CTNNBIP1: variants seen among roughly 807,000 people sequenced by gnomAD.
The protein encoded by CTNNBIP1 is beta-catenin-interacting protein 1.
A neutral mutation model predicts 11.8 loss-of-function variants in CTNNBIP1; 7 were observed. The ratio of observed to expected loss-of-function variants is 0.60; its 90% CI spans 0.34 to 1.12. The LOEUF (loss-of-function observed/expected upper bound fraction) is 1.12, where lower values mean the gene tolerates loss of function less well. Ranked by LOEUF, CTNNBIP1 falls within the 50% of genes most tolerant of loss-of-function variation. The pLI, the probability that CTNNBIP1 is intolerant of heterozygous loss-of-function variation, is 0.03. For missense variants in CTNNBIP1, 101 were observed against 113.4 expected (o/e 0.89, Z 0.50); for synonymous variants, 58 against 43.9 (o/e 1.32, Z -1.26).
intron 1 of CTNNBIP1, among the ~76,000 whole-genome samples, chr1:9,899,563 A>T (rs763231936): frequency 1.0e-4 from 15 of 148,090 alleles, no homozygotes; most frequent in Non-Finnish European, 1.9e-4. Flanking sequence ...GATCAAGGCT[A>T]TCTTGGCCAA....
At chr1:9,899,868 G>T (rs1167973744) in intron 1 of CTNNBIP1, among the ~76,000 whole-genome samples, 2 of 151,528 alleles carry the variant, frequency 1.3e-5, no homozygotes, top group Non-Finnish European at 2.9e-5. Flanking sequence ...GAGGTCAGGG[G>T]TTCGAGACCA....
At chr1:9,866,327 GTCAGGTC>G (rs1057283004) in intron 5 of CTNNBIP1, among the ~76,000 whole-genome samples, 2 of 152,200 alleles carry the variant, frequency 1.3e-5, no homozygotes, top group Non-Finnish European at 1.5e-5. Flanking sequence ...ACAGTGTGAG[GTCAGGTC>G]TTGCTCACCA....
chr1:9,871,173 TGCC>T lies in CTNNBIP1; in HGVS notation c.187+11_187+13del, dbSNP rs769771322. 1 of 1,555,154 alleles carries T rather than the reference TGCC, an allele frequency of 6.4e-7. No homozygotes were observed. The highest frequency in any genetic ancestry group is 1.2e-5 in the South Asian group (1 of 84,584). On this transcript the variant is annotated intron_variant, in intron 5 of 5. Transcript: ENST00000377263. This position sits in a 1 kb window ranked among gnomAD's most constrained non-coding sequence, Gnocchi z 5.2. ...ACTTGTGCCACTGCCCCAGCCCCTC[TGCC>T]GCCAACTCACCCTGGTCGATGGAGT...
intron 1 of CTNNBIP1, among the ~76,000 whole-genome samples, chr1:9,901,064 CTTCACGTA>C (rs1244905059): frequency 6.6e-6 from 1 of 152,204 alleles, no homozygotes; most frequent in Non-Finnish European, 1.5e-5. Flanking sequence ...GTACTAACAG[CTTCACGTA>C]TTTAAATCAT....
At chr1:9,852,381 C>T (rs1182311551) in intron 5 of CTNNBIP1, among the ~76,000 whole-genome samples, 1 of 152,222 alleles carries the variant, frequency 6.6e-6, no homozygotes, top group Non-Finnish European at 1.5e-5. Context: ...AGCTCGCCTT[C>T]ATGGGGTTCT....
chr1:9,853,911 G>A (rs1055320293), intron 5 of CTNNBIP1, among the ~76,000 whole-genome samples: 35 of 150,942 alleles, frequency 2.3e-4, no homozygotes, highest in African/African-American at 8.2e-4. Context: ...CTAGCAAACT[G>A]AATACAACAA....
At chr1:9,908,949 T>C (rs1003550681) in intron 1 of CTNNBIP1, among the ~76,000 whole-genome samples, 3 of 152,224 alleles carry the variant, frequency 2.0e-5, no homozygotes, top group African/African-American at 7.2e-5. Flanking sequence ...CAGCAAACCG[T>C]GAATGACACA....
At chr1:9,863,957 T>C (rs1438022358) in intron 5 of CTNNBIP1, among the ~76,000 whole-genome samples, 2 of 152,208 alleles carry the variant, frequency 1.3e-5, no homozygotes, top group Non-Finnish European at 1.5e-5. Flanking sequence ...GCCTGGTTTC[T>C]GCTGATCTAC....
intron 1 of CTNNBIP1, among the ~76,000 whole-genome samples, chr1:9,901,867 G>C (rs1285319061): frequency 6.6e-6 from 1 of 152,192 alleles, no homozygotes; most frequent in Non-Finnish European, 1.5e-5. Context: ...GACATGACAA[G>C]GGCTGGTGAA....
chr1:9,884,309 C>T (rs1275521955), intron 1 of CTNNBIP1, among the ~76,000 whole-genome samples: 1 of 152,154 alleles, frequency 6.6e-6, no homozygotes, highest in East Asian at 1.9e-4. Flanking sequence ...CACCAGGGGC[C>T]ATGGCAGCCC....
At chr1:9,873,347 G>A (rs935985834) in intron 3 of CTNNBIP1, among the ~76,000 whole-genome samples, 2 of 152,146 alleles carry the variant, frequency 1.3e-5, no homozygotes, top group African/African-American at 4.8e-5. Flanking sequence ...ATAACTGGGA[G>A]CTAGGAAAGA....
In CTNNBIP1 at chr1:9,848,948, G is replaced by A. The variant is rs775613743; in HGVS notation, c.*1770C>T. Reference sequence around the variant, plus strand: ...CTCCTGTGCACTTCATGACACTCAGGAGCCCCTACGGCCCGAGCCCCAAGC... The same window carrying A: ...CTCCTGTGCACTTCATGACACTCAGAAGCCCCTACGGCCCGAGCCCCAAGC... On this transcript the variant is annotated 3_prime_UTR_variant, in exon 6 of 6. Coordinates refer to ENST00000377263, the MANE Select transcript of CTNNBIP1 (RefSeq NM_020248.3). This position sits in a 1 kb window ranked among gnomAD's most constrained non-coding sequence, Gnocchi z 4.3. 10 of 152,194 alleles carry A rather than the reference G, an allele frequency of 6.6e-5. No individual in the cohort carries two copies. The highest frequency in any genetic ancestry group is 1.2e-4 in the Non-Finnish European group (8 of 68,058). The allele number at this position is 152,194 out of a possible 1,614,324, so 9.4% of individuals were successfully genotyped here.
At chr1:9,864,827 G>A (rs992823663) in intron 5 of CTNNBIP1, among the ~76,000 whole-genome samples, 16 of 152,228 alleles carry the variant, frequency 1.1e-4, no homozygotes, top group Non-Finnish European at 1.5e-4. Context: ...GGAGGGCCCA[G>A]GGTAAAAATG....
Position 9,872,187 on chromosome 1 carries a change from T to C in CTNNBIP1, c.-24-99A>G. ...GACCCTCACTCCTCCCAGGAGCCGCTTTCCACCCACAGTCTCCCTTCTGGG... is the reference window on the plus strand; with the variant it reads ...GACCCTCACTCCTCCCAGGAGCCGCCTTCCACCCACAGTCTCCCTTCTGGG... On this transcript the variant is annotated intron_variant, in intron 3 of 5. Transcript: ENST00000377263. This position sits in a 1 kb window ranked among gnomAD's most constrained non-coding sequence, Gnocchi z 4.0. The C allele has an allele frequency of 6.8e-6, 5 of 738,148 alleles. No homozygotes were observed. In the Middle Eastern group the frequency reaches 7.0e-4, roughly 103 times the overall value. The allele number at this position is 738,148 out of a possible 1,614,324, so 45.7% of individuals were successfully genotyped here.
At chr1:9,875,815 C>T (rs150622157) in intron 3 of CTNNBIP1, among the ~76,000 whole-genome samples, 83 of 152,268 alleles carry the variant, frequency 5.5e-4, no homozygotes, top group African/African-American at 1.9e-3. Context: ...CCATTCCAAC[C>T]CAAACAGAAA....
chr1:9,886,143 C>T (rs1347532415), intron 1 of CTNNBIP1, among the ~76,000 whole-genome samples: 2 of 151,934 alleles, frequency 1.3e-5, no homozygotes, highest in African/African-American at 2.4e-5. Flanking sequence ...CTCTTCTCTC[C>T]CAGCTGCCCG....
At position 9,883,036 on chromosome 1, in the gene CTNNBIP1, C is replaced by T. The variant is rs759423046; in HGVS notation, c.-110+669G>A. 1.2e-4 allele frequency among the ~76,000 whole-genome samples: 18 copies of T among 152,098 alleles called. No individual in the cohort carries two copies. The highest frequency in any genetic ancestry group is 4.1e-4 in the South Asian group (2 of 4,826). ...CACGTGCAAGCACGGGTGGGGCAGC[C>T]GCAGGGCAGGGGGCTCCTTCTGTGG... On this transcript the variant is annotated intron_variant, in intron 2 of 5. Coordinates refer to ENST00000377263, the MANE Select transcript of CTNNBIP1 (RefSeq NM_020248.3). The surrounding 1 kb of genome is among the most constrained non-coding windows in gnomAD (Gnocchi z 5.6).
At chr1:9,902,720 A>G (rs1639545307) in intron 1 of CTNNBIP1, among the ~76,000 whole-genome samples, 1 of 152,016 alleles carries the variant, frequency 6.6e-6, no homozygotes, top group Non-Finnish European at 1.5e-5. Flanking sequence ...CTATATAATA[A>G]GCCTTTTGGT....
chr1:9,903,174 T>A (rs1449730554), intron 1 of CTNNBIP1, among the ~76,000 whole-genome samples: 1 of 152,110 alleles, frequency 6.6e-6, no homozygotes, highest in East Asian at 1.9e-4. Context: ...CAATGAGTCA[T>A]TAGAAGGAAG....
Sources: allele counts gnomAD v4.1 joint callset (sites outside exome capture counted in the v4.1 genomes callset), GRCh38; gene constraint gnomAD v4.1.1; non-coding constraint Gnocchi (gnomAD v3.1); transcripts MANE v1.5; gene names NCBI Gene and HGNC (gene_info 2026-07-23, HGNC 2026-07-21).